The following ZNF676 variants were observed in gnomAD, a reference collection of about 807,000 sequenced individuals.
ZNF676 encodes zinc finger protein 676.
Under a neutral mutation model 6.0 loss-of-function variants are expected in ZNF676, and 4 were observed. That is an observed-to-expected ratio of 0.67 (90% CI 0.33 to 1.53). The LOEUF (loss-of-function observed/expected upper bound fraction) is 1.53. Among genes scored for constraint, ZNF676 ranks in the 40% most tolerant of loss-of-function variants. ZNF676 has a pLI of 0.06. For missense variants in ZNF676, 644 were observed against 679.7 expected, an observed-to-expected ratio of 0.95 and a Z score of 0.58; for synonymous variants, 198 against 223.1, an observed-to-expected ratio of 0.89 and a Z score of 1.00.
the ZNF676 span, among the ~76,000 whole-genome samples, chr19:22,232,522 T>C: frequency 6.6e-6 from 1 of 151,994 alleles, no homozygotes. Flanking sequence ...CCAGACAGAA[T>C]AATAGTAAGA....
At position 22,208,719 on chromosome 19, in the gene ZNF676, G is replaced by A. The variant is rs139655792; in HGVS notation, c.3+6913C>T. Among the ~76,000 whole-genome samples the A allele has an allele frequency of 3.6e-4, 55 of 152,022 alleles. No individual in the cohort carries two copies. The East Asian group carries it at 0.011, about 29-fold the overall frequency. On this transcript the variant is annotated intron_variant, in intron 1 of 3. Coordinates refer to the ZNF676 transcript ENST00000650058. The stretch of plus-strand genomic sequence containing the variant: ...CAGCACTTTGGGGGCTGAGCCAGGT[G>A]GATTGCCTGAGCTCAGGAGTTTGAG...
intron 1 of ZNF676, chr19:22,215,520 G>A: frequency 7.7e-7 from 1 of 1,302,224 alleles, no homozygotes; most frequent in South Asian, 1.2e-5. Context: ...AGCTAGGCAA[G>A]GAGAACTTGT....
intron 1 of ZNF676, among the ~76,000 whole-genome samples, chr19:22,211,854 C>T (rs2024131954): frequency 6.6e-6 from 1 of 151,812 alleles, no homozygotes; most frequent in African/African-American, 2.4e-5. Context: ...TATTTTTTTC[C>T]CAAACATTCC....
In ZNF676 at chr19:22,181,567, G is replaced by A. The variant is rs1412814481; in HGVS notation, c.150C>T (p.Ser50=). The change falls in exon 3 of 3, where the codon TCC becomes TCT. Residue 50 remains serine, a synonymous_variant. Coordinates refer to ENST00000397121, the MANE Select transcript of ZNF676 (RefSeq NM_001001411.3). The part of the protein sequence containing the change: ...EEPPVICSHF[S]QEFWPEQGIE... Reference sequence around the variant, plus strand: ...TGCCTTGCTCTGGCCAAAACTCTTGGGAAAAATGAGAACATATAACTGAAA... The same window carrying A: ...TGCCTTGCTCTGGCCAAAACTCTTGAGAAAAATGAGAACATATAACTGAAA... 8.3e-6 allele frequency: 13 copies of A among 1,557,988 alleles called. No individual in the cohort carries two copies. The highest frequency in any genetic ancestry group is 2.5e-5 in the South Asian group (2 of 81,406).
intron 2 of ZNF676, among the ~76,000 whole-genome samples, chr19:22,184,896 C>G (rs1475607752): frequency 1.3e-5 from 2 of 149,960 alleles, no homozygotes; most frequent in African/African-American, 4.9e-5. Flanking sequence ...ACACCCATCT[C>G]CCTGGGACAG....
intron 1 of ZNF676, among the ~76,000 whole-genome samples, chr19:22,213,018 A>C (rs2024146123): frequency 6.6e-6 from 1 of 152,264 alleles, no homozygotes; most frequent in African/African-American, 2.4e-5. Flanking sequence ...AAGAAAAAAA[A>C]CTAAGGTCAA....
the ZNF676 span, among the ~76,000 whole-genome samples, chr19:22,229,744 A>T: frequency 2.0e-5 from 3 of 152,254 alleles, no homozygotes; most frequent in African/African-American, 7.2e-5. Context: ...AAACATATGA[A>T]AAAAAGCTCA....
At chr19:22,213,703 C>T (rs971588058) in intron 1 of ZNF676, among the ~76,000 whole-genome samples, 2 of 152,152 alleles carry the variant, frequency 1.3e-5, no homozygotes, top group African/African-American at 4.8e-5. Context: ...CTCCATACCT[C>T]TGGTTGTCTT....
intron 2 of ZNF676, among the ~76,000 whole-genome samples, chr19:22,184,826 G>GAGA (rs1193971287): frequency 1.9e-5 from 1 of 52,682 alleles, no homozygotes; most frequent in Non-Finnish European, 3.4e-5. Context: ...GGGCATCTTT[G>GAGA]AAAAAAAAAA....
rs528864558 is a variant in ZNF676, at chr19:22,206,439, A to G, written c.3+9193T>C. Among the ~76,000 whole-genome samples, 31 of 152,202 alleles carry G rather than the reference A, an allele frequency of 2.0e-4. 2 individuals are homozygous for G. The South Asian group carries it at 6.2e-3, about 31-fold the overall frequency. ...TGTAATCGCAGCACTTTGGGAGGCC[A>G]AGGTGGGTTGATTCCCTGAGGTCAG... On this transcript the variant is annotated intron_variant, in intron 1 of 3. Transcript: ENST00000650058.
At chr19:22,217,246 A>G (rs1335384065), upstream of ZNF676, among the ~76,000 whole-genome samples, 1 of 152,080 alleles carries the variant, frequency 6.6e-6, no homozygotes, top group Non-Finnish European at 1.5e-5. Context: ...CTTATTGCCC[A>G]GGCCGGAGTA....
the ZNF676 span, among the ~76,000 whole-genome samples, chr19:22,253,376 A>G: frequency 0.018 from 1,104 of 62,342 alleles, 25 homozygotes; most frequent in African/African-American, 0.077. Flanking sequence ...GTGTGTGTAT[A>G]TATATATATA....
the ZNF676 span, among the ~76,000 whole-genome samples, chr19:22,224,650 T>G: frequency 6.6e-6 from 1 of 152,204 alleles, no homozygotes; most frequent in African/African-American, 2.4e-5. Flanking sequence ...TAAAATAATT[T>G]TTGTAAAAAC....
chr19:22,193,273 C>T (rs1001368053), intron 1 of ZNF676, among the ~76,000 whole-genome samples, 162 bp from the exon 2 acceptor site: 1 of 152,122 alleles, frequency 6.6e-6, no homozygotes, highest in African/African-American at 2.4e-5. Flanking sequence ...TGTGCAGTTG[C>T]TTAAAGTTCT....
intron 1 of ZNF676, among the ~76,000 whole-genome samples, chr19:22,206,278 T>C (rs2024076005): frequency 6.6e-6 from 1 of 152,210 alleles, no homozygotes; most frequent in Non-Finnish European, 1.5e-5. Context: ...CCTCCCCAAC[T>C]CATTATGTAA....
chr19:22,222,347 C>T, the ZNF676 span, among the ~76,000 whole-genome samples: 1 of 152,168 alleles, frequency 6.6e-6, no homozygotes. Context: ...CTCAGGTGAT[C>T]TGCCTGCCTC....
In ZNF676 at chr19:22,204,919, A is replaced by G. The variant is rs559680788; in HGVS notation, c.4-8193T>C. On this transcript the variant is annotated intron_variant, in intron 1 of 3. Coordinates refer to the ZNF676 transcript ENST00000650058. ...TTCAAAAAGCAGAAGAAATATATAC[A>G]TATAATCTAAACCTTTTTTTAAAAA... Among the ~76,000 whole-genome samples, 3 of 152,330 alleles carry G rather than the reference A, an allele frequency of 2.0e-5. No individual in the cohort carries two copies. The East Asian group carries it at 5.8e-4, about 29-fold the overall frequency.
chr19:22,237,814 C>A, the ZNF676 span, among the ~76,000 whole-genome samples: 5 of 152,122 alleles, frequency 3.3e-5, no homozygotes, highest in Non-Finnish European at 7.4e-5. Context: ...CCCATACGTC[C>A]CCATTCCAAG....
Position 22,181,411 on chromosome 19 carries a change from G to A in ZNF676, c.306C>T (p.Asn102=), listed in dbSNP as rs200284629. 160 of 1,613,492 alleles carry A rather than the reference G, an allele frequency of 9.9e-5. 3 individuals carry two copies. In the South Asian group the frequency reaches 1.7e-3, roughly 17 times the overall value. The part of the protein sequence containing the change: ...NVHKEGYNKL[N]QSLTTTQSKV... ...TGCTCTGTGTAGTTGTTAAACTCTGGTTAAGTTTATTATAACCTTCTTTGT... is the reference window on the plus strand; with the variant it reads ...TGCTCTGTGTAGTTGTTAAACTCTGATTAAGTTTATTATAACCTTCTTTGT... Residue 102 remains asparagine, a synonymous_variant, in exon 3 of 3, where the codon AAC becomes AAT. Transcript: ENST00000397121.
Sources: gnomAD v4.1 joint callset for allele counts (sites outside exome capture counted in the v4.1 genomes callset) on GRCh38, gnomAD v4.1.1 for gene constraint, MANE v1.5 for transcripts, NCBI Gene and HGNC (gene_info 2026-07-23, HGNC 2026-07-21) for gene names.